Variants in PARP8 observed in about 807,000 individuals in gnomAD.
The protein encoded by PARP8 is protein mono-ADP-ribosyltransferase PARP8.
Under a neutral mutation model 124.1 loss-of-function variants are expected in PARP8, and 51 were observed. That is an observed-to-expected ratio of 0.41 (90% CI 0.33 to 0.52). PARP8 has a LOEUF of 0.52. PARP8 is among the 20% of genes least tolerant of loss of function. The pLI is 0.21. For missense variants in PARP8, 860 were observed against 1,018.9 expected, an observed-to-expected ratio of 0.84 and a Z score of 2.12; for synonymous variants, 391 against 361.5, an observed-to-expected ratio of 1.08 and a Z score of -0.93.
intron 2 of PARP8, among the ~76,000 whole-genome samples, chr5:50,709,712 A>G (rs113333219): frequency 6.6e-6 from 1 of 151,820 alleles, no homozygotes; most frequent in African/African-American, 2.4e-5. Context: ...CGTTCCACAA[A>G]AAAATGCCAG....
At chr5:50,816,634 A>G (rs1580442433) in intron 15 of PARP8, among the ~76,000 whole-genome samples, 1 of 152,324 alleles carries the variant, frequency 6.6e-6, no homozygotes, top group East Asian at 1.9e-4. Context: ...AAAGAGTAGA[A>G]TGTTGGTCTT....
chr5:50,718,421 G>A (rs1755535578), intron 2 of PARP8, among the ~76,000 whole-genome samples: 1 of 151,808 alleles, frequency 6.6e-6, no homozygotes, highest in Non-Finnish European at 1.5e-5. Flanking sequence ...GAAAGCATAT[G>A]TACACATATG....
chr5:50,693,306 A>G (rs1198807884), intron 2 of PARP8, among the ~76,000 whole-genome samples: 1 of 152,204 alleles, frequency 6.6e-6, no homozygotes, highest in Non-Finnish European at 1.5e-5. Flanking sequence ...CAGGCATAGA[A>G]TGAATGACAT....
At chr5:50,682,499 T>C (rs1751402611) in intron 2 of PARP8, among the ~76,000 whole-genome samples, 1 of 152,154 alleles carries the variant, frequency 6.6e-6, no homozygotes, top group African/African-American at 2.4e-5. Context: ...GTATTCAATA[T>C]GATAACTACC....
At chr5:50,744,253 G>A (rs1758322201) in intron 2 of PARP8, among the ~76,000 whole-genome samples, 1 of 152,174 alleles carries the variant, frequency 6.6e-6, no homozygotes, top group African/African-American at 2.4e-5. Context: ...GAACTTGGGA[G>A]TTCAGACCAG....
chr5:50,669,339 C>T (rs1278354429), intron 2 of PARP8: 1 of 152,128 alleles, frequency 6.6e-6, no homozygotes, highest in East Asian at 1.9e-4. Context: ...TAACGCTGGT[C>T]CTACACATTA....
intron 2 of PARP8, among the ~76,000 whole-genome samples, chr5:50,737,666 G>A (rs1757608186): frequency 6.6e-6 from 1 of 152,078 alleles, no homozygotes. Context: ...ATTGGATCTT[G>A]GGTCAACATT....
At chr5:50,813,163 A>C (rs1744673925) in intron 14 of PARP8, among the ~76,000 whole-genome samples, 1 of 152,164 alleles carries the variant, frequency 6.6e-6, no homozygotes, top group African/African-American at 2.4e-5. Flanking sequence ...GATGGCATTG[A>C]ATCTATAAAT....
At chr5:50,818,758 T>C (rs567152537) in intron 15 of PARP8, among the ~76,000 whole-genome samples, 14 of 152,290 alleles carry the variant, frequency 9.2e-5, no homozygotes, top group African/African-American at 3.4e-4. Flanking sequence ...AAATCCAAAT[T>C]GTATTATAAA....
chr5:50,690,245 A>T (rs1335286890), intron 2 of PARP8, among the ~76,000 whole-genome samples: 1 of 152,216 alleles, frequency 6.6e-6, no homozygotes, highest in Non-Finnish European at 1.5e-5. Flanking sequence ...GTATGATAGT[A>T]AAAAGGTTAA....
At chr5:50,723,640 A>G (rs532165748) in intron 2 of PARP8, among the ~76,000 whole-genome samples, 1 of 152,190 alleles carries the variant, frequency 6.6e-6, no homozygotes, top group South Asian at 2.1e-4. Flanking sequence ...CAATTAGAGG[A>G]AAAACTAAGT....
chr5:50,779,056 G>T (rs746013913), intron 9 of PARP8, among the ~76,000 whole-genome samples: 10 of 152,000 alleles, frequency 6.6e-5, no homozygotes, highest in Non-Finnish European at 1.5e-4. Context: ...GTATTTGTTT[G>T]CTGAATCTTT....
intron 14 of PARP8, among the ~76,000 whole-genome samples, chr5:50,807,338 A>G (rs754916889): frequency 8.5e-5 from 13 of 152,052 alleles, no homozygotes; most frequent in Non-Finnish European, 1.5e-4. Flanking sequence ...CCTGACACAT[A>G]ACATTTTGCA....
chr5:50,680,767 G>C (rs2149445236), intron 2 of PARP8, among the ~76,000 whole-genome samples: 1 of 152,228 alleles, frequency 6.6e-6, no homozygotes, highest in South Asian at 2.1e-4. Context: ...GTAAGAAAGA[G>C]GACAGAAGTA....
intron 2 of PARP8, chr5:50,739,089 A>T: frequency 1.4e-6 from 1 of 702,398 alleles, no homozygotes; most frequent in Non-Finnish European, 2.6e-6. Flanking sequence ...TCCCACAGGT[A>T]TTGAATCAAA....
rs536350161 is a variant in PARP8 at position 50,798,476 on chromosome 5, A to C, written c.1575+1243A>C. Among the ~76,000 whole-genome samples the C allele has an allele frequency of 3.4e-5, 5 of 149,094 alleles. No individual in the cohort carries two copies. The South Asian group carries it at 1.1e-3, about 32-fold the overall frequency. The stretch of plus-strand genomic sequence containing the variant: ...CGCTCTGTCACCCAGGCTGGAGTGC[A>C]GTGGCACGATCTCGGCTCACTGCAA... On this transcript the variant is annotated intron_variant, in intron 14 of 25. Coordinates refer to ENST00000281631, the MANE Select transcript of PARP8 (RefSeq NM_024615.4).
intron 2 of PARP8, among the ~76,000 whole-genome samples, chr5:50,684,795 T>G (rs998927146): frequency 1.4e-4 from 22 of 152,180 alleles, no homozygotes; most frequent in African/African-American, 5.3e-4. Context: ...GGTATATATT[T>G]GTATTCCTGC....
chr5:50,720,880 A>G (rs1302330592), intron 2 of PARP8, among the ~76,000 whole-genome samples: 1 of 151,828 alleles, frequency 6.6e-6, no homozygotes, highest in Admixed American at 6.6e-5. Context: ...CTTCTTTCAG[A>G]CCAACCTGTG....
intron 7 of PARP8, among the ~76,000 whole-genome samples, chr5:50,772,942 C>T (rs1761778959): frequency 6.6e-6 from 1 of 152,146 alleles, no homozygotes; most frequent in Admixed American, 6.5e-5. Flanking sequence ...AGTAGATCTG[C>T]CCAGCTTGGC....
Sources: allele counts gnomAD v4.1 joint callset (sites outside exome capture counted in the v4.1 genomes callset), GRCh38; gene constraint gnomAD v4.1.1; transcripts MANE v1.5; gene names NCBI Gene and HGNC (gene_info 2026-07-23, HGNC 2026-07-21).